The following SMCHD1 variants were observed in gnomAD, a reference collection of about 807,000 sequenced individuals.
The protein encoded by SMCHD1 is structural maintenance of chromosomes flexible hinge domain-containing protein 1.
A neutral mutation model predicts 254.7 loss-of-function variants in SMCHD1; 78 were observed. The ratio of observed to expected loss-of-function variants is 0.31; its 90% CI spans 0.26 to 0.37. SMCHD1 has a LOEUF of 0.37. Among genes scored for constraint, SMCHD1 ranks in the 10% least tolerant of loss-of-function variants. The pLI, the probability that SMCHD1 is intolerant of heterozygous loss-of-function variation, is 1.00. For synonymous variants in SMCHD1, 766 were observed against 794.9 expected (o/e 0.96, Z 0.61); for missense variants, 1,840 against 2,408.1 (o/e 0.76, Z 4.94).
At position 2,728,458 on chromosome 18, in the gene SMCHD1, T is replaced by G. The variant is rs754336396; in HGVS notation, c.2775T>G (p.Gly925=). 1.2e-6 allele frequency: 2 copies of G among 1,612,460 alleles called. No homozygotes were observed. The highest frequency in any genetic ancestry group is 8.5e-7 in the Non-Finnish European group (1 of 1,179,206). ...SQILKIRLLP[G]HPRRLKVKPD... ...TTTCATTGTATAATTTACTGTTAGG[T>G]CACCCTCGTCGACTGAAAGTGAAAC... The change falls in exon 23 of 48, where the codon GGT becomes GGG. Residue 925 remains glycine (G), a splice_region_variant and synonymous_variant. Coordinates refer to ENST00000320876, the MANE Select transcript of SMCHD1 (RefSeq NM_015295.3).
At chr18:2,759,977 G>A (rs557601823) in intron 34 of SMCHD1, among the ~76,000 whole-genome samples, 1 of 152,186 alleles carries the variant, frequency 6.6e-6, no homozygotes, top group African/African-American at 2.4e-5. Flanking sequence ...TTACAGTGTC[G>A]GGATTTGAAT....
At chr18:2,789,217 T>G (rs1404134124) in intron 45 of SMCHD1, among the ~76,000 whole-genome samples, 1 of 151,780 alleles carries the variant, frequency 6.6e-6, no homozygotes, top group African/African-American at 2.4e-5. Flanking sequence ...TTTTTTTTTT[T>G]TTTTGGTAGA....
chr18:2,731,248 G>A (rs1027868301), intron 24 of SMCHD1, among the ~76,000 whole-genome samples: 3 of 152,222 alleles, frequency 2.0e-5, no homozygotes, highest in African/African-American at 4.8e-5. Flanking sequence ...CATGAGTTAA[G>A]TAAGATTATA....
chr18:2,662,971 C>G (rs1291835057), intron 1 of SMCHD1, among the ~76,000 whole-genome samples: 1 of 152,122 alleles, frequency 6.6e-6, no homozygotes, highest in Admixed American at 6.5e-5. Flanking sequence ...TTTCTCTGTA[C>G]AGAGGCCTAC....
In SMCHD1 at chr18:2,706,601, G is replaced by T. The variant is rs777246443; in HGVS notation, c.2063+131G>T. 8 of 512,720 alleles carry T rather than the reference G, an allele frequency of 1.6e-5. 1 individual carries two copies. In the South Asian group the frequency reaches 2.8e-4, roughly 18 times the overall value. 31.8% of individuals were successfully genotyped at this position (512,720 alleles called of 1,614,324 possible). The stretch of plus-strand genomic sequence containing the variant: ...TCTTAGATATTGTACCTATTGAGAT[G>T]AACTTCTTGTTGAAAAAAATTAAGA... On this transcript the variant is annotated intron_variant, in intron 15 of 47. Transcript: ENST00000320876.
At chr18:2,672,976 G>A (rs981452725) in intron 3 of SMCHD1, 1 of 673,088 alleles carries the variant, frequency 1.5e-6, no homozygotes. Context: ...TATGGTTATG[G>A]TCTTCTGTTT....
Position 2,721,406 on chromosome 18 carries a change from C to T in SMCHD1, c.2459-1113C>T, listed in dbSNP as rs887021368. 2.0e-5 allele frequency among the ~76,000 whole-genome samples: 3 copies of T among 151,818 alleles called. No individual in the cohort carries two copies. In the East Asian group the frequency reaches 5.8e-4, roughly 29 times the overall value. Reference sequence around the variant, plus strand: ...CTTTTTTTTTAAATGTTTTAGGAGACTTTTTTATACATAAATCTACTGTGT... The same window carrying T: ...CTTTTTTTTTAAATGTTTTAGGAGATTTTTTTATACATAAATCTACTGTGT... On this transcript the variant is annotated intron_variant, in intron 19 of 47. Transcript: ENST00000320876.
chr18:2,703,929 T>A (rs1430125533), intron 13 of SMCHD1, 43 bp downstream of exon 13: 2 of 1,443,300 alleles, frequency 1.4e-6, no homozygotes, highest in Admixed American at 2.5e-5. Context: ...AATTTTTAAT[T>A]TAATTTAAAA....
Position 2,762,239 on chromosome 18 carries a change from A to G in SMCHD1, c.4566+3A>G, listed in dbSNP as rs1441554783. ...GAGATCTACATCTTAGTATCACGGTAATGTTTATTTTCTTCCAAAACTGCG... is the reference window on the plus strand; with the variant it reads ...GAGATCTACATCTTAGTATCACGGTGATGTTTATTTTCTTCCAAAACTGCG... On this transcript the variant is annotated splice_donor_region_variant and intron_variant, in intron 36 of 47. Coordinates refer to ENST00000320876, the MANE Select transcript of SMCHD1 (RefSeq NM_015295.3). The G allele has an allele frequency of 6.2e-7, 1 of 1,612,206 alleles. No individual in the cohort carries two copies. Among genetic ancestry groups the G allele is most frequent in the Non-Finnish European group, 8.5e-7 (1 of 1,179,146 alleles).
chr18:2,795,973 C>T lies in SMCHD1; in HGVS notation c.5744C>T (p.Ala1915Val). ...GATCTTCTTCAGCAGTATCGTTCTG[C>T]TGTGTGCAAACTAGACAGTGTGAAT... ...QIDLLQQYRS[A>V]VCKLDSVNKD... The change falls in exon 46 of 48, where the codon GCT becomes GTT. Residue 1915 changes from alanine to valine, a missense_variant. By Grantham distance (64) the Ala-to-Val change is moderately conservative. Coordinates refer to ENST00000320876, the MANE Select transcript of SMCHD1 (RefSeq NM_015295.3). 6.3e-7 allele frequency: 1 copy of T among 1,596,024 alleles called. No homozygotes were observed. The highest frequency in any genetic ancestry group is 8.5e-7 in the Non-Finnish European group (1 of 1,170,914).
intron 42 of SMCHD1, among the ~76,000 whole-genome samples, chr18:2,777,144 C>CT (rs1415146050): frequency 6.7e-6 from 1 of 150,282 alleles, no homozygotes; most frequent in African/African-American, 2.4e-5. Context: ...TCCCTGGAGA[C>CT]TAAGTTAAGG....
At chr18:2,752,640 A>G in intron 34 of SMCHD1, 88 bp downstream of exon 34, 1 of 778,222 alleles carries the variant, frequency 1.3e-6, no homozygotes, top group Non-Finnish European at 2.1e-6. Context: ...CACCTGAGGA[A>G]AAGTAATTTA....
intron 25 of SMCHD1, among the ~76,000 whole-genome samples, chr18:2,737,787 T>A (rs2075278394): frequency 6.6e-6 from 1 of 152,126 alleles, no homozygotes; most frequent in Admixed American, 6.5e-5. Flanking sequence ...GAGAGAAAGT[T>A]GAGGTCAGAA....
At chr18:2,772,562 G>A (rs529340140) in intron 41 of SMCHD1, among the ~76,000 whole-genome samples, 190 bp downstream of exon 41, 1 of 152,318 alleles carries the variant, frequency 6.6e-6, no homozygotes, top group East Asian at 1.9e-4. Flanking sequence ...TGTTACTATT[G>A]AGGGCTGTGG....
chr18:2,660,904 A>G (rs1420422269), intron 1 of SMCHD1, among the ~76,000 whole-genome samples: 2 of 152,208 alleles, frequency 1.3e-5, no homozygotes, highest in Non-Finnish European at 2.9e-5. Flanking sequence ...CACTATTTAC[A>G]ATAGTAAAGA....
chr18:2,669,820 C>T (rs181874977), intron 3 of SMCHD1, among the ~76,000 whole-genome samples: 30 of 152,316 alleles, frequency 2.0e-4, no homozygotes, highest in African/African-American at 7.0e-4. Context: ...ACATAGTTCC[C>T]CCTATCTGAA....
rs373158025 is a variant in SMCHD1 at position 2,673,238 on chromosome 18, G to T, written c.425-43G>T. 211 of 1,539,836 alleles carry T rather than the reference G, an allele frequency of 1.4e-4. 3 individuals carry two copies. The South Asian group carries it at 2.3e-3, about 17-fold the overall frequency. On this transcript the variant is annotated intron_variant, in intron 3 of 47. Transcript: ENST00000320876. ...TTCTTTGAACTTTTATATAAAGTAT[G>T]TGGGAGGGAAAAGTTAAGCAATGTT...
At chr18:2,762,429 A>G (rs1215280938) in intron 36 of SMCHD1, among the ~76,000 whole-genome samples, 193 bp downstream of exon 36, 1 of 152,074 alleles carries the variant, frequency 6.6e-6, no homozygotes, top group Non-Finnish European at 1.5e-5. Context: ...AACATTATAC[A>G]TAAAATGAAT....
intron 10 of SMCHD1, among the ~76,000 whole-genome samples, chr18:2,698,599 C>T (rs927538456): frequency 3.9e-5 from 6 of 152,052 alleles, no homozygotes; most frequent in Non-Finnish European, 5.9e-5. Flanking sequence ...AGATCCTGGC[C>T]TGAAACAATC....
Sources: allele counts gnomAD v4.1 joint callset (sites outside exome capture counted in the v4.1 genomes callset), GRCh38; gene constraint gnomAD v4.1.1; transcripts MANE v1.5; gene names NCBI Gene and HGNC (gene_info 2026-07-23, HGNC 2026-07-21).